The following EYA2 variants were observed in gnomAD, a reference collection of about 807,000 sequenced individuals.
The protein encoded by EYA2 is protein phosphatase EYA2.
Under a neutral mutation model 69.2 loss-of-function variants are expected in EYA2, and 31 were observed. The observed-to-expected ratio is 0.45, with a 90% CI of 0.34 to 0.60. The LOEUF is 0.60. Ranked by LOEUF, EYA2 falls within the 20% of genes least tolerant of loss-of-function variation. The pLI is 0.02. For missense variants in EYA2, 622 were observed against 701.2 expected, an observed-to-expected ratio of 0.89 and a Z score of 1.28; for synonymous variants, 257 against 279.4, an observed-to-expected ratio of 0.92 and a Z score of 0.80.
At chr20:46,997,951 C>T (rs1374093045) in intron 2 of EYA2, 1 of 152,310 alleles carries the variant, frequency 6.6e-6, no homozygotes, top group Non-Finnish European at 1.5e-5. Context: ...GGGTGACCTA[C>T]TCCCTTTAGA....
intron 7 of EYA2, among the ~76,000 whole-genome samples, chr20:47,081,860 G>T (rs2031733558): frequency 6.6e-6 from 1 of 151,608 alleles, no homozygotes; most frequent in Non-Finnish European, 1.5e-5. Flanking sequence ...ATTATTTTGA[G>T]ACAGAGTCTC....
intron 10 of EYA2, among the ~76,000 whole-genome samples, chr20:47,144,626 A>C (rs1431670244): frequency 6.6e-6 from 1 of 152,190 alleles, no homozygotes; most frequent in Non-Finnish European, 1.5e-5. Context: ...TGAAATAATC[A>C]GTCTTGTGTT....
intron 2 of EYA2, among the ~76,000 whole-genome samples, chr20:46,992,682 A>C (rs906163789): frequency 6.6e-6 from 1 of 152,112 alleles, no homozygotes; most frequent in Non-Finnish European, 1.5e-5. Context: ...TGCCCTTTCT[A>C]CTGCCCTGGA....
At chr20:46,960,126 A>G (rs1979384754) in intron 1 of EYA2, among the ~76,000 whole-genome samples, 2 of 152,200 alleles carry the variant, frequency 1.3e-5, no homozygotes, top group African/African-American at 4.8e-5. Context: ...TCTATCCATT[A>G]TTCGAAGGAA....
At chr20:46,908,054 A>G (rs1397935668) in intron 1 of EYA2, among the ~76,000 whole-genome samples, 1 of 152,120 alleles carries the variant, frequency 6.6e-6, no homozygotes, top group Non-Finnish European at 1.5e-5. Flanking sequence ...ATTCTCCTCC[A>G]CTGTGCCTCC....
intron 1 of EYA2, among the ~76,000 whole-genome samples, chr20:46,946,211 G>A (rs538022099): frequency 2.0e-4 from 30 of 152,290 alleles, no homozygotes; most frequent in African/African-American, 5.8e-4. Context: ...GGCCATCAGC[G>A]GGAGGGCTGC....
At chr20:47,137,801 A>G (rs2146590276) in intron 9 of EYA2, among the ~76,000 whole-genome samples, 1 of 152,340 alleles carries the variant, frequency 6.6e-6, no homozygotes, top group African/African-American at 2.4e-5. Context: ...TGGATAAACT[A>G]TGCAGCCATA....
intron 5 of EYA2, among the ~76,000 whole-genome samples, chr20:47,064,973 C>T (rs762998707): frequency 1.8e-4 from 28 of 152,266 alleles, no homozygotes; most frequent in Middle Eastern, 3.4e-3. Flanking sequence ...CACATGGCTG[C>T]GGAGGCCTCA....
At chr20:47,116,846 T>G (rs2146550018) in intron 9 of EYA2, among the ~76,000 whole-genome samples, 1 of 152,348 alleles carries the variant, frequency 6.6e-6, no homozygotes, top group African/African-American at 2.4e-5. Context: ...ACTCCATGAT[T>G]GCTGCTGCAG....
intron 1 of EYA2, among the ~76,000 whole-genome samples, chr20:46,931,765 C>A (rs528765670): frequency 6.6e-6 from 1 of 152,264 alleles, no homozygotes; most frequent in African/African-American, 2.4e-5. Flanking sequence ...CGGATTTTCG[C>A]TGACCACTGA....
intron 8 of EYA2, among the ~76,000 whole-genome samples, chr20:47,094,628 G>A (rs192412321): frequency 1.3e-5 from 2 of 152,206 alleles, no homozygotes; most frequent in Non-Finnish European, 2.9e-5. Flanking sequence ...TTGCATACTG[G>A]GGAGGGACAT....
intron 9 of EYA2, among the ~76,000 whole-genome samples, chr20:47,112,385 G>A (rs1422778282): frequency 6.6e-6 from 1 of 152,194 alleles, no homozygotes; most frequent in East Asian, 1.9e-4. Context: ...GAGAGGGTGT[G>A]TCAGGGAAAC....
At chr20:46,907,402 C>T (rs1015195438) in intron 1 of EYA2, among the ~76,000 whole-genome samples, 1 of 152,200 alleles carries the variant, frequency 6.6e-6, no homozygotes, top group Non-Finnish European at 1.5e-5. Flanking sequence ...AGAATCTGTC[C>T]AGGTGAGGAA....
intron 7 of EYA2, among the ~76,000 whole-genome samples, chr20:47,077,900 A>G (rs2031573427): frequency 6.6e-6 from 1 of 152,226 alleles, no homozygotes; most frequent in Admixed American, 6.5e-5. Context: ...ATTTCAACAA[A>G]GGAGATAAAA....
At chr20:47,177,940 A>C (rs768209548) in intron 12 of EYA2, among the ~76,000 whole-genome samples, 2 of 152,214 alleles carry the variant, frequency 1.3e-5, no homozygotes, top group Non-Finnish European at 2.9e-5. Context: ...AAGTGCTGTG[A>C]AGAAGAGCTA....
chr20:47,100,403 C>G (rs1444513435), intron 9 of EYA2, among the ~76,000 whole-genome samples: 2 of 152,212 alleles, frequency 1.3e-5, no homozygotes, highest in South Asian at 2.1e-4. Context: ...TCCAGCCCAT[C>G]GCAGCCCCCA....
intron 4 of EYA2, among the ~76,000 whole-genome samples, chr20:47,014,628 ATGTGTGTGTGTGTG>A (rs56005987): frequency 3.3e-4 from 48 of 144,680 alleles, no homozygotes; most frequent in East Asian, 3.2e-3. Context: ...TGTGCACAAA[ATGTGTGTGTGTGTG>A]TGTGTGTGTG....
chr20:46,940,282 C>T (rs1018413296), intron 1 of EYA2, among the ~76,000 whole-genome samples: 1 of 152,222 alleles, frequency 6.6e-6, no homozygotes, highest in African/African-American at 2.4e-5. Context: ...GTGCTTTTCA[C>T]ACATCAACTC....
chr20:46,940,117 G>T (rs777238146), intron 1 of EYA2, among the ~76,000 whole-genome samples: 3 of 152,164 alleles, frequency 2.0e-5, no homozygotes, highest in Non-Finnish European at 4.4e-5. Context: ...GAGGAAGAAA[G>T]GCTCAATCTG....
Sources: allele counts gnomAD v4.1 joint callset (sites outside exome capture counted in the v4.1 genomes callset), GRCh38; gene constraint gnomAD v4.1.1; transcripts MANE v1.5; gene names NCBI Gene and HGNC (gene_info 2026-07-23, HGNC 2026-07-21).